Variants in HGD observed in about 807,000 individuals in gnomAD.
HGD encodes the protein homogentisate 1,2-dioxygenase, also known as homogentisate oxidase.
A neutral mutation model predicts 60.8 loss-of-function variants in HGD; 61 were observed. The observed-to-expected ratio is 1.00, with a 90% confidence interval of 0.82 to 1.24. The LOEUF (loss-of-function observed/expected upper bound fraction) is 1.24. Ranked by LOEUF, HGD falls within the 50% of genes most tolerant of loss-of-function variation. The probability of loss-of-function intolerance (pLI) is 0.00; values close to 1 mark genes in which losing one functional copy is unlikely to be tolerated. For missense variants in HGD, 542 were observed against 547.1 expected (o/e 0.99, Z 0.09); for synonymous variants, 212 against 187.7 (o/e 1.13, Z -1.06).
chr3:120,657,070 G>A (rs1181787496), intron 4 of HGD, among the ~76,000 whole-genome samples: 1 of 152,154 alleles, frequency 6.6e-6, no homozygotes, highest in East Asian at 1.9e-4. Flanking sequence ...CAACTGTTGA[G>A]AGAGGGGTGT....
At position 120,670,484 on chromosome 3, in the gene HGD, G is replaced by T; in HGVS notation, c.225C>A (p.Ser75=). The T allele has an allele frequency of 6.2e-7, 1 of 1,611,080 alleles. No individual in the cohort carries two copies. Among genetic ancestry groups the T allele is most frequent in the Non-Finnish European group, 8.5e-7 (1 of 1,177,314 alleles). ...LPSVSHKPFE[S]IDEGQVTHNW... is the part of the protein sequence containing the mutation. ...TGTGAGTGACTTGGCCTTCGTCAATGGATTCAAAGGGCTTGTGAGAAACTG... is the reference window on the plus strand; with the variant it reads ...TGTGAGTGACTTGGCCTTCGTCAATTGATTCAAAGGGCTTGTGAGAAACTG... The change falls in exon 4 of 14, where the codon TCC becomes TCA. Residue 75 remains serine (S), a synonymous_variant. Coordinates refer to ENST00000283871, the MANE Select transcript of HGD (RefSeq NM_000187.4).
At chr3:120,654,191 A>G (rs3753090) in intron 4 of HGD, among the ~76,000 whole-genome samples, 69,958 of 151,892 alleles carry the variant, frequency 0.46, 17,106 homozygotes, top group East Asian at 0.61. Flanking sequence ...TCTTAGTTTC[A>G]GAAAGAAAAT....
chr3:120,668,647 T>G (rs1707955358), intron 4 of HGD, among the ~76,000 whole-genome samples: 1 of 152,168 alleles, frequency 6.6e-6, no homozygotes, highest in Non-Finnish European at 1.5e-5. Flanking sequence ...TAAATATAAA[T>G]AGCTGTATCA....
chr3:120,628,261 G>T lies in HGD; in HGVS notation c.*119C>A. The T allele has an allele frequency of 1.7e-6, 2 of 1,142,926 alleles. No homozygotes were observed. Among genetic ancestry groups the T allele is most frequent in the Non-Finnish European group, 2.6e-6 (2 of 761,502 alleles). 70.8% of individuals were successfully genotyped at this position (1,142,926 alleles called of 1,614,324 possible). ...TTTCCATAAAAGTTCTGAGTTACTT[G>T]ACTATGAAAAGTGAATTTTCATTTT... On this transcript the variant is annotated 3_prime_UTR_variant, in exon 14 of 14. Transcript: ENST00000283871.
Position 120,650,797 on chromosome 3 carries a change from GAGGA to G in HGD, c.407_410del (p.Phe136SerfsTer19). The G allele has an allele frequency of 6.2e-7, 1 of 1,613,950 alleles. No individual in the cohort carries two copies. Among genetic ancestry groups the G allele is most frequent in the Non-Finnish European group, 8.5e-7 (1 of 1,179,778 alleles). ...ACCTGTTCTCCATGGAGGTATTGCA[GAGGA>G]AAATGTGGATAGCAAGCCCATTGTT... On this transcript the variant is annotated frameshift_variant, in exon 6 of 14. Transcript: ENST00000283871. LOFTEE classifies it high-confidence loss of function.
chr3:120,646,558 A>G (rs1941170628), intron 8 of HGD, among the ~76,000 whole-genome samples, 192 bp from the exon 9 acceptor site: 1 of 152,158 alleles, frequency 6.6e-6, no homozygotes, highest in African/African-American at 2.4e-5. Context: ...CAGTTTAAAA[A>G]GAAAAACTGA....
chr3:120,629,484 T>G (rs1940518119), intron 13 of HGD, among the ~76,000 whole-genome samples: 1 of 152,204 alleles, frequency 6.6e-6, no homozygotes, highest in African/African-American at 2.4e-5. Context: ...GTGACAGGCT[T>G]GATGGGAAGA....
chr3:120,654,522 C>A (rs151121070), intron 4 of HGD, among the ~76,000 whole-genome samples: 61 of 152,224 alleles, frequency 4.0e-4, no homozygotes, highest in Non-Finnish European at 7.3e-4. Flanking sequence ...AACCAACCCA[C>A]CAACTGATCA....
At chr3:120,661,097 TCTA>T (rs1331282952) in intron 4 of HGD, among the ~76,000 whole-genome samples, 1 of 152,218 alleles carries the variant, frequency 6.6e-6, no homozygotes, top group Non-Finnish European at 1.5e-5. Flanking sequence ...TTAAATTTTC[TCTA>T]CTAAGAACTG....
At chr3:120,653,194 T>TG (rs1458368729) in intron 4 of HGD, among the ~76,000 whole-genome samples, 1 of 152,234 alleles carries the variant, frequency 6.6e-6, no homozygotes. Flanking sequence ...CAGGTTCAGC[T>TG]GCTTCACCAA....
intron 3 of HGD, among the ~76,000 whole-genome samples, chr3:120,671,460 G>A (rs146298503): frequency 0.031 from 4,717 of 151,956 alleles, 171 homozygotes; most frequent in African/African-American, 0.084. Flanking sequence ...TATTGGGTTT[G>A]TCTTTTTGAT....
intron 1 of HGD, among the ~76,000 whole-genome samples, chr3:120,678,856 A>G (rs1425411311): frequency 6.6e-6 from 1 of 152,208 alleles, no homozygotes; most frequent in East Asian, 1.9e-4. Flanking sequence ...TGCTTTCTCC[A>G]GACATTGAGC....
intron 4 of HGD, among the ~76,000 whole-genome samples, chr3:120,662,998 C>A (rs1034785074): frequency 3.3e-5 from 5 of 151,968 alleles, no homozygotes; most frequent in Non-Finnish European, 5.9e-5. Context: ...ATGTGAGGAG[C>A]CAAGGAGAAG....
chr3:120,674,334 T>C (rs958484122), intron 3 of HGD, among the ~76,000 whole-genome samples: 4 of 152,166 alleles, frequency 2.6e-5, no homozygotes, highest in African/African-American at 9.7e-5. Context: ...AGAGCAAACA[T>C]GGAACATGGC....
At chr3:120,659,617 T>C (rs1941599030) in intron 4 of HGD, among the ~76,000 whole-genome samples, 2 of 152,212 alleles carry the variant, frequency 1.3e-5, no homozygotes, top group Admixed American at 1.3e-4. Flanking sequence ...CTCATCTTCC[T>C]GTCTTCTGAG....
chr3:120,646,430 C>T, intron 8 of HGD, 64 bp from the exon 9 acceptor site: 4 of 1,050,550 alleles, frequency 3.8e-6, no homozygotes, highest in East Asian at 2.4e-5. Flanking sequence ...AAAGAAGCTG[C>T]CCAGAGCCAT....
intron 10 of HGD, among the ~76,000 whole-genome samples, chr3:120,642,211 T>C (rs1941005101): frequency 6.6e-6 from 1 of 152,214 alleles, no homozygotes; most frequent in Non-Finnish European, 1.5e-5. Context: ...CCTAACATAA[T>C]ACTTCCTGGT....
chr3:120,652,560 C>A (rs753480652), intron 5 of HGD, 32 bp downstream of exon 5: 1 of 1,505,382 alleles, frequency 6.6e-7, no homozygotes, highest in South Asian at 1.1e-5. Flanking sequence ...GAGAGGAGAG[C>A]AGTAGGGAGG....
intron 7 of HGD, 144 bp from the exon 8 acceptor site, chr3:120,647,196 C>G (rs866555125): frequency 1.4e-6 from 1 of 717,318 alleles, no homozygotes; most frequent in Non-Finnish European, 2.6e-6. Context: ...AAGATAAATT[C>G]TGACAACTTA....
Sources: allele counts gnomAD v4.1 joint callset (sites outside exome capture counted in the v4.1 genomes callset), GRCh38; gene constraint gnomAD v4.1.1; transcripts MANE v1.5; gene names NCBI Gene and HGNC (gene_info 2026-07-23, HGNC 2026-07-21).